ZNF521: variants seen among roughly 807,000 people sequenced by gnomAD.
The protein encoded by ZNF521 is zinc finger protein 521, also known as LYST-interacting protein 3.
A neutral mutation model predicts 105.5 loss-of-function variants in ZNF521; 14 were observed. The observed-to-expected ratio is 0.13, with a 90% CI of 0.09 to 0.21. The LOEUF (loss-of-function observed/expected upper bound fraction) is 0.21, where lower values mean the gene tolerates loss of function less well. ZNF521 is among the 10% of genes least tolerant of loss of function. The pLI, the probability that ZNF521 is intolerant of heterozygous loss-of-function variation, is 1.00. For synonymous variants in ZNF521, 635 were observed against 606.0 expected, an observed-to-expected ratio of 1.05 and a Z score of -0.70; for missense variants, 1,233 against 1,629.7, an observed-to-expected ratio of 0.76 and a Z score of 4.19.
chr18:25,145,112 C>T (rs2034919344), intron 5 of ZNF521, among the ~76,000 whole-genome samples: 1 of 152,138 alleles, frequency 6.6e-6, no homozygotes, highest in Non-Finnish European at 1.5e-5. Context: ...ACATAGTTTT[C>T]CATACTGTGC....
At chr18:25,168,546 T>C (rs745887733) in intron 5 of ZNF521, among the ~76,000 whole-genome samples, 2 of 152,060 alleles carry the variant, frequency 1.3e-5, no homozygotes, top group Non-Finnish European at 2.9e-5. Context: ...CAGTCCACAA[T>C]AGACAACTGC....
intron 5 of ZNF521, among the ~76,000 whole-genome samples, chr18:25,181,166 C>G (rs2035625370): frequency 6.6e-6 from 1 of 152,190 alleles, no homozygotes; most frequent in Admixed American, 6.5e-5. Flanking sequence ...AAATTCCAAC[C>G]TTTCAGCTCA....
At chr18:25,275,958 A>T (rs1910007613) in intron 3 of ZNF521, among the ~76,000 whole-genome samples, 1 of 152,202 alleles carries the variant, frequency 6.6e-6, no homozygotes, top group Non-Finnish European at 1.5e-5. Flanking sequence ...TTGATGGCGG[A>T]GGAGCACAAA....
At chr18:25,219,823 A>G (rs1332678470) in intron 4 of ZNF521, among the ~76,000 whole-genome samples, 1 of 152,222 alleles carries the variant, frequency 6.6e-6, no homozygotes, top group Non-Finnish European at 1.5e-5. Flanking sequence ...TCTGAAATCA[A>G]TAAATAATAA....
chr18:25,063,219 T>C (rs2032957336), intron 7 of ZNF521, among the ~76,000 whole-genome samples: 1 of 152,220 alleles, frequency 6.6e-6, no homozygotes, highest in Non-Finnish European at 1.5e-5. Flanking sequence ...TATGCCTCTG[T>C]TCCAATCCCT....
rs1043015094 is a variant in ZNF521 at position 25,062,649 on chromosome 18, A to G, written c.*63T>C. On this transcript the variant is annotated 3_prime_UTR_variant, in exon 8 of 8. Transcript: ENST00000361524. ...CATTAACAATGAAAGTTTCGTGCAA[A>G]GAGTAAAACATGTTCCCTTTTTGTG... 2 of 1,566,632 alleles carry G rather than the reference A, an allele frequency of 1.3e-6. No homozygotes were observed. The highest frequency in any genetic ancestry group is 1.4e-5 in the African/African-American group (1 of 72,270).
At chr18:25,128,729 C>T (rs1344480109) in intron 5 of ZNF521, among the ~76,000 whole-genome samples, 2 of 151,820 alleles carry the variant, frequency 1.3e-5, no homozygotes, top group Non-Finnish European at 2.9e-5. Context: ...TAAATACCTA[C>T]GTATAGACCT....
In ZNF521 at chr18:25,226,498, C is replaced by T. The variant is rs768916972; in HGVS notation, c.1420G>A (p.Ala474Thr). The T allele has an allele frequency of 9.9e-6, 16 of 1,614,132 alleles. No homozygotes were observed. Among genetic ancestry groups the T allele is most frequent in the Non-Finnish European group, 1.4e-5 (16 of 1,180,018 alleles). The change falls in exon 4 of 8, where the codon GCC (alanine) becomes ACC (threonine). Residue 474 changes from alanine (A) to threonine (T), a missense_variant. Ala to Thr is a moderately conservative substitution (Grantham distance 58). This residue lies in a region of ZNF521 where 380 missense variants were observed against 478.0 expected (regional missense o/e 0.80). Coordinates refer to ENST00000361524, the MANE Select transcript of ZNF521 (RefSeq NM_015461.3). This position sits in a 1 kb window ranked among gnomAD's most constrained non-coding sequence, Gnocchi z 4.1. ...CAGAAGTTACACTGGTAGACAATGG[C>T]AGGCATGGCAGAAACAATCAGACCT... The part of the protein sequence containing the change: ...DPGLIVSAMP[A>T]IVYQCNFCSE...
intron 7 of ZNF521, among the ~76,000 whole-genome samples, chr18:25,076,678 T>C (rs1368448498): frequency 6.6e-6 from 1 of 152,248 alleles, no homozygotes; most frequent in Non-Finnish European, 1.5e-5. Flanking sequence ...CTTGTGGAGT[T>C]GGCAATTGCA....
chr18:25,065,643 A>T (rs918053197), intron 7 of ZNF521, among the ~76,000 whole-genome samples: 5 of 152,208 alleles, frequency 3.3e-5, no homozygotes, highest in African/African-American at 9.6e-5. Flanking sequence ...AAATAAAAAA[A>T]AAAAACAGTT....
At chr18:25,314,325 T>A (rs990992011) in intron 3 of ZNF521, among the ~76,000 whole-genome samples, 1 of 152,202 alleles carries the variant, frequency 6.6e-6, no homozygotes, top group Admixed American at 6.5e-5. Flanking sequence ...TTCATTGGAA[T>A]GAACCAGTCT....
intron 5 of ZNF521, among the ~76,000 whole-genome samples, chr18:25,158,513 T>G (rs1282534991): frequency 1.3e-5 from 2 of 152,150 alleles, no homozygotes; most frequent in African/African-American, 4.8e-5. Context: ...TATTCTCTGA[T>G]TTTTAGGGAA....
At chr18:25,294,552 C>T (rs747765103) in intron 3 of ZNF521, among the ~76,000 whole-genome samples, 49 of 152,074 alleles carry the variant, frequency 3.2e-4, no homozygotes, top group Non-Finnish European at 5.3e-4. Flanking sequence ...AATTGCCTTA[C>T]ATCTTAAGAA....
At chr18:25,219,729 A>G (rs1213677694) in intron 4 of ZNF521, among the ~76,000 whole-genome samples, 1 of 152,106 alleles carries the variant, frequency 6.6e-6, no homozygotes, top group African/African-American at 2.4e-5. Flanking sequence ...AGGTAGGAAG[A>G]TCACCTGAGC....
intron 3 of ZNF521, among the ~76,000 whole-genome samples, chr18:25,260,990 G>A (rs2144893337): frequency 6.6e-6 from 1 of 152,222 alleles, no homozygotes; most frequent in Non-Finnish European, 1.5e-5. Context: ...TTTTCTTCAG[G>A]ATACTTCATA....
At chr18:25,325,304 A>G (rs569320290) in intron 2 of ZNF521, among the ~76,000 whole-genome samples, 1 of 152,326 alleles carries the variant, frequency 6.6e-6, no homozygotes, top group Admixed American at 6.5e-5. Flanking sequence ...TTTCTTTCCC[A>G]CAGGTGGCTA....
At chr18:25,331,029 T>C (rs1042362320) in intron 2 of ZNF521, among the ~76,000 whole-genome samples, 1 of 152,222 alleles carries the variant, frequency 6.6e-6, no homozygotes, top group African/African-American at 2.4e-5. Context: ...TGTTTTTATT[T>C]TGTTTTGCTT....
intron 5 of ZNF521, among the ~76,000 whole-genome samples, chr18:25,134,364 G>T (rs2144406941): frequency 6.6e-6 from 1 of 152,236 alleles, no homozygotes; most frequent in Middle Eastern, 3.4e-3. Flanking sequence ...AACCACCATA[G>T]CTACTGCTCA....
chr18:25,293,210 C>T (rs550190660), intron 3 of ZNF521, among the ~76,000 whole-genome samples: 1 of 152,188 alleles, frequency 6.6e-6, no homozygotes, highest in Non-Finnish European at 1.5e-5. Context: ...CATATGATTC[C>T]ACACAATTAA....
Sources: allele counts gnomAD v4.1 joint callset (sites outside exome capture counted in the v4.1 genomes callset), GRCh38; gene constraint gnomAD v4.1.1; regional missense constraint gnomAD v4.1.1; non-coding constraint Gnocchi (gnomAD v3.1); transcripts MANE v1.5; gene names NCBI Gene and HGNC (gene_info 2026-07-23, HGNC 2026-07-21).